TTC28: variants seen among roughly 807,000 people sequenced by gnomAD.
The protein encoded by TTC28 is tetratricopeptide repeat protein 28.
In TTC28, 61 loss-of-function variants were observed where a neutral mutation model predicts 198.0. The ratio of observed to expected loss-of-function variants is 0.31; its 90% CI spans 0.25 to 0.38. TTC28 has a LOEUF of 0.38. Ranked by LOEUF, TTC28 falls within the 10% of genes least tolerant of loss-of-function variation. The pLI is 1.00. For missense variants in TTC28, 2,678 were observed against 3,164.0 expected (o/e 0.85, Z 3.69); for synonymous variants, 1,171 against 1,297.8 (o/e 0.90, Z 2.10).
intron 2 of TTC28, among the ~76,000 whole-genome samples, chr22:28,476,577 G>C (rs1248810820): frequency 1.3e-5 from 2 of 152,100 alleles, no homozygotes; most frequent in African/African-American, 4.8e-5. Flanking sequence ...AGCAAGATAT[G>C]ACGGTTCCTA....
chr22:28,358,019 A>G (rs1231931300), intron 2 of TTC28, among the ~76,000 whole-genome samples: 2 of 152,222 alleles, frequency 1.3e-5, no homozygotes, highest in African/African-American at 4.8e-5. Context: ...TTTTACCCTC[A>G]TTCCACATAC....
At chr22:28,352,488 C>T (rs946480622) in intron 2 of TTC28, among the ~76,000 whole-genome samples, 1 of 151,936 alleles carries the variant, frequency 6.6e-6, no homozygotes, top group Non-Finnish European at 1.5e-5. Flanking sequence ...GTTCAAGAAA[C>T]GGAAATTCCT....
chr22:27,982,724 G>C lies in TTC28; in HGVS notation c.6943C>G (p.Pro2315Ala), dbSNP rs1040338324. Reference protein sequence around the residue: ...NMSPSSGHQSPAGSAPSPALS... With the variant: ...NMSPSSGHQSAAGSAPSPALS... ...GCTGGGGAGGGTGCACTGCCAGCAGGAGACTGGTGGCCGGAGCTTGGGGAC... is the reference window on the plus strand; with the variant it reads ...GCTGGGGAGGGTGCACTGCCAGCAGCAGACTGGTGGCCGGAGCTTGGGGAC... The change falls in exon 23 of 23, where the codon CCT (proline) becomes GCT (alanine). Residue 2315 changes from proline to alanine, a missense_variant. By Grantham distance (27) the Pro-to-Ala change is conservative. This residue lies in a region of TTC28 where 622 missense variants were observed against 656.0 expected (regional missense o/e 0.95). Transcript: ENST00000397906. This position sits in a 1 kb window ranked among gnomAD's most constrained non-coding sequence, Gnocchi z 5.2. 2.3e-5 allele frequency: 35 copies of C among 1,551,690 alleles called. No homozygotes were observed. Among genetic ancestry groups the C allele is most frequent in the Admixed American group, 3.9e-5 (2 of 50,998 alleles).
chr22:28,489,139 C>G (rs1313744478), intron 2 of TTC28, among the ~76,000 whole-genome samples: 1 of 151,942 alleles, frequency 6.6e-6, no homozygotes, highest in Non-Finnish European at 1.5e-5. Context: ...TAAAAATTAG[C>G]TGGGCACAGT....
rs191770230 is a variant in TTC28, at chr22:28,536,972, A to G, written c.381+92580T>C. ...TATAATATGTATTATATAATGTAGC[A>G]TAATTATAAGTACGGTTATGATGTA... On this transcript the variant is annotated intron_variant, in intron 2 of 22. Coordinates refer to ENST00000397906, the MANE Select transcript of TTC28 (RefSeq NM_001145418.2). 8.0e-4 allele frequency among the ~76,000 whole-genome samples: 121 copies of G among 151,686 alleles called. 1 individual carries two copies. The highest frequency in any genetic ancestry group is 1.4e-3 in the Non-Finnish European group (95 of 67,926).
At chr22:28,275,133 GA>G (rs1569234259) in intron 5 of TTC28, among the ~76,000 whole-genome samples, 1 of 152,132 alleles carries the variant, frequency 6.6e-6, no homozygotes, top group Non-Finnish European at 1.5e-5. Context: ...GGAAGAACCA[GA>G]AGAACTTTAA....
intron 2 of TTC28, among the ~76,000 whole-genome samples, chr22:28,432,444 T>C (rs950657918): frequency 1.3e-5 from 2 of 152,180 alleles, no homozygotes; most frequent in Non-Finnish European, 2.9e-5. Context: ...AAAGATATAT[T>C]ATAGATTCAC....
intron 5 of TTC28, among the ~76,000 whole-genome samples, chr22:28,254,289 G>C (rs1334120421): frequency 6.6e-6 from 1 of 151,878 alleles, no homozygotes; most frequent in Admixed American, 6.6e-5. Flanking sequence ...AAAATATATG[G>C]GATCATACAA....
intron 2 of TTC28, among the ~76,000 whole-genome samples, chr22:28,448,715 G>A (rs1330158632): frequency 6.6e-6 from 1 of 152,092 alleles, no homozygotes; most frequent in East Asian, 1.9e-4. Flanking sequence ...ACTTGTTGCA[G>A]GAAGAATTCT....
At chr22:28,058,547 C>A (rs888901548) in intron 12 of TTC28, among the ~76,000 whole-genome samples, 1 of 151,910 alleles carries the variant, frequency 6.6e-6, no homozygotes, top group Non-Finnish European at 1.5e-5. Flanking sequence ...TATTTTTATA[C>A]CTATATGCAT....
intron 12 of TTC28, among the ~76,000 whole-genome samples, chr22:28,084,677 T>C (rs1377673746): frequency 1.0e-4 from 15 of 150,526 alleles, no homozygotes; most frequent in Admixed American, 7.3e-4. Flanking sequence ...CTTTGACGAG[T>C]TGAGAGAGGA....
intron 2 of TTC28, among the ~76,000 whole-genome samples, chr22:28,340,435 T>A (rs567177925): frequency 6.6e-6 from 1 of 151,850 alleles, no homozygotes; most frequent in East Asian, 1.9e-4. Flanking sequence ...CAATGTCAAC[T>A]TCTTTCCTTT....
At chr22:28,517,000 T>C (rs2048802597) in intron 2 of TTC28, among the ~76,000 whole-genome samples, 1 of 152,212 alleles carries the variant, frequency 6.6e-6, no homozygotes, top group Non-Finnish European at 1.5e-5. Flanking sequence ...ATAACTCCTG[T>C]TATACTTGAG....
chr22:28,253,826 C>T (rs749244244), intron 5 of TTC28, among the ~76,000 whole-genome samples: 15 of 151,950 alleles, frequency 9.9e-5, no homozygotes, highest in South Asian at 2.1e-4. Context: ...TTTATGGGGC[C>T]GGGCACAGTG....
At chr22:28,421,826 T>C (rs2047258762) in intron 2 of TTC28, among the ~76,000 whole-genome samples, 1 of 151,550 alleles carries the variant, frequency 6.6e-6, no homozygotes, top group African/African-American at 2.4e-5. Context: ...TCCCAGATAC[T>C]TGGGAGGCTG....
intron 12 of TTC28, among the ~76,000 whole-genome samples, chr22:28,037,417 C>T (rs1939408390): frequency 6.6e-6 from 1 of 152,044 alleles, no homozygotes; most frequent in African/African-American, 2.4e-5. Context: ...TGACAAAAAC[C>T]ACATGATTAT....
At position 28,039,849 on chromosome 22, in the gene TTC28, A is replaced by G. The variant is rs536166796; in HGVS notation, c.3933-9483T>C. 9.2e-5 allele frequency among the ~76,000 whole-genome samples: 14 copies of G among 152,032 alleles called. No individual in the cohort carries two copies. In the South Asian group the frequency reaches 2.9e-3, roughly 31 times the overall value. On this transcript the variant is annotated intron_variant, in intron 12 of 22. Transcript: ENST00000397906. Reference sequence around the variant, plus strand: ...TTGATAGACTGCTAGCAAGACTAATAAAGAAGAAAAGAGAGAAGAATCAAA... The same window carrying G: ...TTGATAGACTGCTAGCAAGACTAATGAAGAAGAAAAGAGAGAAGAATCAAA...
At chr22:28,362,989 C>A (rs946153792) in intron 2 of TTC28, among the ~76,000 whole-genome samples, 31 of 152,140 alleles carry the variant, frequency 2.0e-4, no homozygotes, top group East Asian at 7.7e-4. Context: ...ACAACAACAA[C>A]AAAAAACACA....
chr22:28,649,676 T>C (rs2051535150), intron 1 of TTC28, among the ~76,000 whole-genome samples: 1 of 152,234 alleles, frequency 6.6e-6, no homozygotes, highest in South Asian at 2.1e-4. Context: ...ACTACCATTT[T>C]ATATGGTAAA....
Sources: allele counts gnomAD v4.1 joint callset (sites outside exome capture counted in the v4.1 genomes callset), GRCh38; gene constraint gnomAD v4.1.1; regional missense constraint gnomAD v4.1.1; non-coding constraint Gnocchi (gnomAD v3.1); transcripts MANE v1.5; gene names NCBI Gene and HGNC (gene_info 2026-07-23, HGNC 2026-07-21).